The following AKAP19 variants were observed in gnomAD, a reference collection of about 807,000 sequenced individuals.
AKAP19 encodes the protein A-kinase anchoring protein 19.
the AKAP19 span, among the ~76,000 whole-genome samples, chr2:189,961,362 G>C: frequency 6.6e-6 from 1 of 152,088 alleles, no homozygotes; most frequent in African/African-American, 2.4e-5. Flanking sequence ...AAATACACTG[G>C]CTTCACAGCA....
the AKAP19 span, among the ~76,000 whole-genome samples, chr2:189,943,369 A>T: frequency 6.6e-6 from 1 of 152,234 alleles, no homozygotes; most frequent in Admixed American, 6.5e-5. Context: ...CATGTTGTTA[A>T]GCTTGTAGGC....
chr2:189,998,763 CTT>C, the AKAP19 span, among the ~76,000 whole-genome samples: 1 of 83,126 alleles, frequency 1.2e-5, no homozygotes, highest in Non-Finnish European at 2.2e-5. Flanking sequence ...TTCTTTCTTT[CTT>C]TCTTTCTTTT....
chr2:189,993,953 G>A, the AKAP19 span, among the ~76,000 whole-genome samples: 5 of 150,876 alleles, frequency 3.3e-5, no homozygotes, highest in African/African-American at 7.3e-5. Flanking sequence ...TCAAAAAGTC[G>A]GCTTTTTGTT....
chr2:190,167,960 C>T, the AKAP19 span, among the ~76,000 whole-genome samples: 1 of 152,172 alleles, frequency 6.6e-6, no homozygotes, highest in Non-Finnish European at 1.5e-5. Context: ...CACGGCTCCA[C>T]CAGGTGGTGC....
chr2:189,983,899 A>G, the AKAP19 span, among the ~76,000 whole-genome samples: 1 of 152,226 alleles, frequency 6.6e-6, no homozygotes, highest in Non-Finnish European at 1.5e-5. Context: ...GGAAGACTTC[A>G]CACATTGGTA....
chr2:189,955,285 G>A, the AKAP19 span, among the ~76,000 whole-genome samples: 50 of 152,038 alleles, frequency 3.3e-4, no homozygotes, highest in South Asian at 4.2e-4. Context: ...TTCTTGTTTC[G>A]TATTTTGTTT....
At chr2:190,147,093 G>A in the AKAP19 span, among the ~76,000 whole-genome samples, 1 of 152,054 alleles carries the variant, frequency 6.6e-6, no homozygotes, top group Admixed American at 6.6e-5. Context: ...TGTCTAGAAG[G>A]GTTTTTCCAA....
At chr2:190,119,800 G>GAA in the AKAP19 span, among the ~76,000 whole-genome samples, 2 of 151,998 alleles carry the variant, frequency 1.3e-5, no homozygotes, top group Non-Finnish European at 2.9e-5. Flanking sequence ...ATATTTGAAA[G>GAA]AAAAAATTGG....
the AKAP19 span, among the ~76,000 whole-genome samples, chr2:190,082,206 T>C: frequency 2.6e-5 from 4 of 152,240 alleles, no homozygotes; most frequent in South Asian, 8.3e-4. Context: ...ATGAAGTTCA[T>C]GTGGGCATGC....
chr2:189,965,826 A>T, the AKAP19 span, among the ~76,000 whole-genome samples: 1 of 152,180 alleles, frequency 6.6e-6, no homozygotes, highest in African/African-American at 2.4e-5. Context: ...AAGAAGTCAT[A>T]CAAAAAAGAT....
chr2:190,199,509 C>T, the AKAP19 span, among the ~76,000 whole-genome samples: 1 of 152,044 alleles, frequency 6.6e-6, no homozygotes. Flanking sequence ...AAAAAGTTTT[C>T]CTATTTTGCA....
chr2:189,983,447 G>A, the AKAP19 span, among the ~76,000 whole-genome samples: 1 of 152,208 alleles, frequency 6.6e-6, no homozygotes, highest in Non-Finnish European at 1.5e-5. Context: ...CAGGGGTAGA[G>A]CTGGCATGAA....
the AKAP19 span, among the ~76,000 whole-genome samples, chr2:190,038,967 C>CCT: frequency 7.0e-6 from 1 of 143,724 alleles, no homozygotes; most frequent in African/African-American, 2.7e-5. Context: ...TCTTCTTCTT[C>CCT]TTCTTTCTTC....
the AKAP19 span, among the ~76,000 whole-genome samples, chr2:189,894,243 G>T: frequency 6.6e-6 from 1 of 152,104 alleles, no homozygotes; most frequent in Non-Finnish European, 1.5e-5. Context: ...ATCTTTGAAA[G>T]ATAAATGAAC....
At chr2:189,908,367 T>A in the AKAP19 span, among the ~76,000 whole-genome samples, 1 of 152,048 alleles carries the variant, frequency 6.6e-6, no homozygotes, top group Non-Finnish European at 1.5e-5. Flanking sequence ...CTAATTCTTT[T>A]TGTACTTTTA....
chr2:190,016,345 G>T, the AKAP19 span, among the ~76,000 whole-genome samples: 1 of 152,154 alleles, frequency 6.6e-6, no homozygotes, highest in African/African-American at 2.4e-5. Flanking sequence ...CATGGCAGCA[G>T]GTGACAGAGA....
the AKAP19 span, among the ~76,000 whole-genome samples, chr2:190,040,727 A>G: frequency 6.6e-6 from 1 of 152,114 alleles, no homozygotes; most frequent in African/African-American, 2.4e-5. Flanking sequence ...TTCAGCTTCA[A>G]TCTTCTGCAT....
chr2:189,942,182 G>A, the AKAP19 span, among the ~76,000 whole-genome samples: 1 of 152,178 alleles, frequency 6.6e-6, no homozygotes, highest in Admixed American at 6.5e-5. Context: ...TGGATCATGG[G>A]TGCAGATCCC....
At chr2:190,053,513 AT>A in the AKAP19 span, among the ~76,000 whole-genome samples, 4 of 152,068 alleles carry the variant, frequency 2.6e-5, no homozygotes, top group African/African-American at 9.7e-5. Context: ...ACCATTTTTC[AT>A]TGCTCGACAT....
Sources: gnomAD v4.1 joint callset for allele counts (sites outside exome capture counted in the v4.1 genomes callset) on GRCh38, gnomAD v4.1.1 for gene constraint, MANE v1.5 for transcripts, NCBI Gene and HGNC (gene_info 2026-07-23, HGNC 2026-07-21) for gene names.